The following NELL1 variants were observed in gnomAD, a reference collection of about 807,000 sequenced individuals.
NELL1 encodes the protein neural EGFL like 1.
In NELL1, 76 loss-of-function variants were observed where a neutral mutation model predicts 107.4. The observed-to-expected ratio is 0.71, with a 90% CI of 0.59 to 0.86. NELL1 has a LOEUF of 0.86. Ranked by LOEUF, NELL1 falls within the 40% of genes least tolerant of loss-of-function variation. NELL1 has a pLI of 0.00. For missense variants in NELL1, 1,024 were observed against 1,005.5 expected (o/e 1.02, Z -0.25); for synonymous variants, 353 against 341.2 (o/e 1.03, Z -0.38).
chr11:20,838,298 A>G (rs1848567591), intron 3 of NELL1, among the ~76,000 whole-genome samples: 1 of 150,126 alleles, frequency 6.7e-6, no homozygotes, highest in African/African-American at 2.5e-5. Flanking sequence ...TGGCACAGCT[A>G]TAAGGAGCCT....
intron 4 of NELL1, among the ~76,000 whole-genome samples, chr11:20,870,075 G>T (rs1031301441): frequency 6.6e-6 from 1 of 152,158 alleles, no homozygotes; most frequent in African/African-American, 2.4e-5. Context: ...GTTTGTATTG[G>T]TGACATTTTC....
At chr11:20,989,429 G>T (rs750484749) in intron 12 of NELL1, among the ~76,000 whole-genome samples, 3 of 152,178 alleles carry the variant, frequency 2.0e-5, no homozygotes, top group Non-Finnish European at 2.9e-5. Context: ...TATTGAGACT[G>T]CTTTGACTTC....
intron 15 of NELL1, among the ~76,000 whole-genome samples, chr11:21,477,066 G>T (rs748290879): frequency 2.6e-5 from 4 of 152,176 alleles, no homozygotes; most frequent in Non-Finnish European, 5.9e-5. Context: ...CTTGTGCTTT[G>T]CTAGGCTCAG....
At chr11:21,465,069 G>C (rs1452600415) in intron 15 of NELL1, among the ~76,000 whole-genome samples, 1 of 151,966 alleles carries the variant, frequency 6.6e-6, no homozygotes, top group Non-Finnish European at 1.5e-5. Flanking sequence ...GTAAATGTTT[G>C]GTGAGTACAC....
chr11:21,393,551 C>T (rs2133786738), intron 15 of NELL1, among the ~76,000 whole-genome samples: 1 of 151,760 alleles, frequency 6.6e-6, no homozygotes, highest in African/African-American at 2.4e-5. Context: ...ATAAAATGTA[C>T]TTTATAATGT....
intron 12 of NELL1, among the ~76,000 whole-genome samples, chr11:21,076,090 G>A (rs1854128797): frequency 6.6e-6 from 1 of 152,204 alleles, no homozygotes; most frequent in African/African-American, 2.4e-5. Flanking sequence ...AAGTTTTATT[G>A]AGTTGGATTG....
At chr11:21,285,387 C>T (rs1181762318) in intron 14 of NELL1, among the ~76,000 whole-genome samples, 1 of 152,200 alleles carries the variant, frequency 6.6e-6, no homozygotes, top group Middle Eastern at 3.4e-3. Context: ...CTCTAGAGGT[C>T]GTTAATGAGT....
rs1856466033 is a variant in NELL1 at position 20,763,484 on chromosome 11, G to A, written c.185-20196G>A. On this transcript the variant is annotated intron_variant, in intron 2 of 19. Coordinates refer to ENST00000357134, the MANE Select transcript of NELL1 (RefSeq NM_006157.5). ...TTCAGAGGGATTAAATGACCACCCAGATATTAGTGTTGGAGTATTAAATAT... is the reference window on the plus strand; with the variant it reads ...TTCAGAGGGATTAAATGACCACCCAAATATTAGTGTTGGAGTATTAAATAT... Among the ~76,000 whole-genome samples, 4 of 152,176 alleles carry A rather than the reference G, an allele frequency of 2.6e-5. No homozygotes were observed. In the South Asian group the frequency reaches 8.3e-4, roughly 31 times the overall value.
At chr11:21,131,562 A>T (rs1451093952) in intron 13 of NELL1, among the ~76,000 whole-genome samples, 1 of 152,204 alleles carries the variant, frequency 6.6e-6, no homozygotes, top group African/African-American at 2.4e-5. Context: ...GCCAAGATTC[A>T]TGGCCTTTCA....
rs552475006 is a variant in NELL1 at position 20,990,373 on chromosome 11, C to T, written c.1300+29813C>T. Reference sequence around the variant, plus strand: ...AACCGGTAACTATTTTGGATGTGGCCTTGGCAAAGTGGCTCAAGGCTAGTT... The same window carrying T: ...AACCGGTAACTATTTTGGATGTGGCTTTGGCAAAGTGGCTCAAGGCTAGTT... On this transcript the variant is annotated intron_variant, in intron 12 of 19. Coordinates refer to ENST00000357134, the MANE Select transcript of NELL1 (RefSeq NM_006157.5). Among the ~76,000 whole-genome samples the T allele has an allele frequency of 9.8e-5, 15 of 152,296 alleles. No individual in the cohort carries two copies. The South Asian group carries it at 3.1e-3, about 32-fold the overall frequency.
At position 20,937,701 on chromosome 11, in the gene NELL1, G is replaced by A. The variant is rs934291507; in HGVS notation, c.998-85G>A. 4 of 902,980 alleles carry A rather than the reference G, an allele frequency of 4.4e-6. No homozygotes were observed. In the African/African-American group the frequency reaches 6.6e-5, roughly 15 times the overall value. The allele number at this position is 902,980 out of a possible 1,614,324, so 55.9% of individuals were successfully genotyped here. On this transcript the variant is annotated intron_variant, in intron 9 of 19. Transcript: ENST00000357134. ...AGAAGCAGAGAATCTAGGTTTCTGTGGAATCTATTGGAGTTAGAAGGTACC... is the reference window on the plus strand; with the variant it reads ...AGAAGCAGAGAATCTAGGTTTCTGTAGAATCTATTGGAGTTAGAAGGTACC...
intron 12 of NELL1, among the ~76,000 whole-genome samples, chr11:21,064,654 G>T (rs1853825712): frequency 6.6e-6 from 1 of 152,136 alleles, no homozygotes; most frequent in South Asian, 2.1e-4. Context: ...GAGGTTCTAT[G>T]GAGGAAGGAT....
intron 14 of NELL1, among the ~76,000 whole-genome samples, chr11:21,333,715 G>C (rs1850321462): frequency 6.6e-6 from 1 of 152,000 alleles, no homozygotes; most frequent in South Asian, 2.1e-4. Flanking sequence ...GTGATGAGGA[G>C]GAAAAGGAGA....
At chr11:21,284,205 A>T (rs1025741977) in intron 14 of NELL1, 1 of 456,490 alleles carries the variant, frequency 2.2e-6, no homozygotes, top group Non-Finnish European at 4.4e-6. Context: ...ACCACCCTAG[A>T]TCTCTATGCC....
At chr11:21,169,852 C>A in intron 13 of NELL1, 1 of 1,416,490 alleles carries the variant, frequency 7.1e-7, no homozygotes, top group Non-Finnish European at 9.9e-7. Flanking sequence ...CCCCAGAGTC[C>A]CCCCAGGAAG....
intron 13 of NELL1, among the ~76,000 whole-genome samples, chr11:21,208,304 A>G (rs569816385): frequency 7.9e-5 from 12 of 152,114 alleles, no homozygotes; most frequent in Middle Eastern, 3.4e-3. Context: ...AGTAAAATAC[A>G]TAGTATGCAT....
intron 15 of NELL1, among the ~76,000 whole-genome samples, chr11:21,447,096 C>T (rs1853450695): frequency 6.6e-6 from 1 of 151,960 alleles, no homozygotes; most frequent in Non-Finnish European, 1.5e-5. Context: ...ACTGCTGATG[C>T]TCACTTAAGA....
At chr11:20,998,509 C>T (rs1011125493) in intron 12 of NELL1, among the ~76,000 whole-genome samples, 1 of 152,210 alleles carries the variant, frequency 6.6e-6, no homozygotes, top group East Asian at 1.9e-4. Context: ...CATTAAACAC[C>T]TTATAAATAG....
intron 11 of NELL1, among the ~76,000 whole-genome samples, chr11:20,949,117 ATGTTCCAATGAAAC>A (rs1447347620): frequency 3.9e-5 from 6 of 152,230 alleles, no homozygotes; most frequent in African/African-American, 1.4e-4. Flanking sequence ...GGGTGTGACC[ATGTTCCAATGAAAC>A]TTTATTTACA....
Sources: gnomAD v4.1 joint callset for allele counts (sites outside exome capture counted in the v4.1 genomes callset) on GRCh38, gnomAD v4.1.1 for gene constraint, MANE v1.5 for transcripts, NCBI Gene and HGNC (gene_info 2026-07-23, HGNC 2026-07-21) for gene names.